MET: variants seen among roughly 807,000 people sequenced by gnomAD.
MET encodes the protein MET proto-oncogene, receptor tyrosine kinase.
Under a neutral mutation model 133.1 loss-of-function variants are expected in MET, and 48 were observed. That is an observed-to-expected ratio of 0.36 (90% confidence interval 0.29 to 0.46). The LOEUF (loss-of-function observed/expected upper bound fraction) is 0.46, where lower values mean the gene tolerates loss of function less well. Among genes scored for constraint, MET ranks in the 20% least tolerant of loss-of-function variants. MET has a pLI of 1.00. For synonymous variants in MET, 628 were observed against 616.5 expected, an observed-to-expected ratio of 1.02 and a Z score of -0.28; for missense variants, 1,442 against 1,695.9, an observed-to-expected ratio of 0.85 and a Z score of 2.63.
At chr7:116,761,816 A>G (rs1267104861) in intron 10 of MET, among the ~76,000 whole-genome samples, 1 of 152,152 alleles carries the variant, frequency 6.6e-6, no homozygotes, top group Non-Finnish European at 1.5e-5. Context: ...TGCTGCCTAT[A>G]TACATTTTTA....
chr7:116,688,669 G>A (rs767943914), intron 1 of MET, among the ~76,000 whole-genome samples: 1 of 152,222 alleles, frequency 6.6e-6, no homozygotes, highest in Non-Finnish European at 1.5e-5. Context: ...GATGTTTGCT[G>A]ACAGAATATG....
intron 19 of MET, among the ~76,000 whole-genome samples, chr7:116,785,988 A>G (rs1795301366): frequency 6.6e-6 from 1 of 152,254 alleles, no homozygotes. Context: ...GCAACTTGTA[A>G]AAAATGTATT....
chr7:116,765,286 C>CAAAAA (rs754418396), intron 11 of MET, among the ~76,000 whole-genome samples: 9 of 31,884 alleles, frequency 2.8e-4, no homozygotes, highest in East Asian at 8.5e-4. Context: ...GGAGACAGAG[C>CAAAAA]AAAAAAAAAA....
At chr7:116,716,119 G>C (rs1050935677) in intron 2 of MET, among the ~76,000 whole-genome samples, 4 of 151,984 alleles carry the variant, frequency 2.6e-5, no homozygotes, top group Non-Finnish European at 5.9e-5. Context: ...AGGTATTGTG[G>C]CACATGCCTG....
intron 8 of MET, among the ~76,000 whole-genome samples, 197 bp from the exon 9 acceptor site, chr7:116,758,262 A>C (rs1223567432): frequency 6.6e-6 from 1 of 152,094 alleles, no homozygotes; most frequent in Non-Finnish European, 1.5e-5. Context: ...AATGTTTTCC[A>C]GTCAAGGATA....
At position 116,699,669 on chromosome 7, in the gene MET, C is replaced by T. The variant is rs587780737; in HGVS notation, c.585C>T (p.Phe195=). ...CTGTAAAGGACCGGTTCATCAACTT[C>T]TTTGTAGGCAATACCATAAATTCTT... ...LSSVKDRFIN[F]FVGNTINSSY... Residue 195 remains phenylalanine, a synonymous_variant, in exon 2 of 21, where the codon TTC becomes TTT. Coordinates refer to ENST00000397752, the MANE Select transcript of MET (RefSeq NM_000245.4). The T allele has an allele frequency of 6.8e-6, 11 of 1,613,918 alleles. No homozygotes were observed. Among genetic ancestry groups the T allele is most frequent in the Non-Finnish European group, 9.3e-6 (11 of 1,179,986 alleles).
At chr7:116,685,265 T>C (rs1796508538) in intron 1 of MET, among the ~76,000 whole-genome samples, 1 of 152,206 alleles carries the variant, frequency 6.6e-6, no homozygotes, top group African/African-American at 2.4e-5. Flanking sequence ...CTCATGGCTT[T>C]TCATGATGTC....
At chr7:116,736,831 A>G (rs543865483) in intron 3 of MET, among the ~76,000 whole-genome samples, 22 of 152,328 alleles carry the variant, frequency 1.4e-4, no homozygotes, top group African/African-American at 4.8e-4. Flanking sequence ...TTTTATGCGA[A>G]TTCTTCTAAG....
intron 5 of MET, among the ~76,000 whole-genome samples, chr7:116,754,453 G>A (rs1794045120): frequency 6.6e-6 from 1 of 152,112 alleles, no homozygotes; most frequent in Non-Finnish European, 1.5e-5. Flanking sequence ...AGAGTTATGA[G>A]CAAGTAAAAG....
intron 1 of MET, among the ~76,000 whole-genome samples, chr7:116,682,532 C>T (rs1796397702): frequency 6.6e-6 from 1 of 152,108 alleles, no homozygotes; most frequent in Admixed American, 6.5e-5. Flanking sequence ...TTAATAAGGG[C>T]CCATAGACCT....
intron 2 of MET, among the ~76,000 whole-genome samples, chr7:116,713,713 G>C (rs945922307): frequency 6.6e-6 from 1 of 152,190 alleles, no homozygotes; most frequent in African/African-American, 2.4e-5. Flanking sequence ...GGAGGGATAA[G>C]AGGTCATGAC....
intron 2 of MET, among the ~76,000 whole-genome samples, chr7:116,701,875 G>A (rs1212067371): frequency 6.6e-6 from 1 of 151,958 alleles, no homozygotes; most frequent in Non-Finnish European, 1.5e-5. Context: ...TTCCTCCAGG[G>A]CTCCTAGAGC....
chr7:116,782,224 T>G, intron 18 of MET, 127 bp downstream of exon 18: 1 of 737,944 alleles, frequency 1.4e-6, no homozygotes, highest in Non-Finnish European at 2.4e-6. Flanking sequence ...TGTTACAATC[T>G]TAAATCGATG....
At chr7:116,791,510 T>C (rs1355663759) in intron 19 of MET, among the ~76,000 whole-genome samples, 1 of 152,238 alleles carries the variant, frequency 6.6e-6, no homozygotes, top group Non-Finnish European at 1.5e-5. Context: ...TAGTAAAGTG[T>C]CTACTCAAAT....
At chr7:116,679,428 A>G (rs1340015462) in intron 1 of MET, among the ~76,000 whole-genome samples, 2 of 152,198 alleles carry the variant, frequency 1.3e-5, no homozygotes, top group Non-Finnish European at 2.9e-5. Flanking sequence ...TGAAAATAGG[A>G]AGGAATTTCT....
intron 19 of MET, among the ~76,000 whole-genome samples, chr7:116,794,808 T>C (rs1186662704): frequency 6.6e-6 from 1 of 152,248 alleles, no homozygotes; most frequent in Non-Finnish European, 1.5e-5. Flanking sequence ...CGTGTCATTC[T>C]TGCATGGGCA....
At chr7:116,783,498 C>T (rs774562505) in intron 19 of MET, 29 bp downstream of exon 19, 10 of 1,613,078 alleles carry the variant, frequency 6.2e-6, no homozygotes, top group South Asian at 1.1e-5. Flanking sequence ...CTGAGTTTCT[C>T]CTCTTTTACT....
intron 2 of MET, among the ~76,000 whole-genome samples, chr7:116,728,714 G>C (rs1490355177): frequency 1.3e-5 from 2 of 152,166 alleles, no homozygotes; most frequent in Non-Finnish European, 2.9e-5. Context: ...CTGGGTGCTA[G>C]GCATAATACA....
In MET at chr7:116,757,718, A is replaced by G. The variant is rs760609715; in HGVS notation, c.2046A>G (p.Leu682=). 6.2e-7 allele frequency: 1 copy of G among 1,613,848 alleles called. No individual in the cohort carries two copies. The highest frequency in any genetic ancestry group is 2.2e-5 in the East Asian group (1 of 44,862). The change falls in exon 8 of 21, where the codon CTA becomes CTG. Residue 682 remains leucine (L), a synonymous_variant. Coordinates refer to ENST00000397752, the MANE Select transcript of MET (RefSeq NM_000245.4). ...TACTTACTTTAACTGGAAATTACCT[A>G]AACAGTGGGAATTCTAGACACATTT... ...GTLLTLTGNY[L]NSGNSRHISI... is the part of the protein sequence containing the mutation.
Sources: allele counts gnomAD v4.1 joint callset (sites outside exome capture counted in the v4.1 genomes callset), GRCh38; gene constraint gnomAD v4.1.1; transcripts MANE v1.5; gene names NCBI Gene and HGNC (gene_info 2026-07-23, HGNC 2026-07-21).